Variants in CCDC170 observed in about 807,000 individuals in gnomAD.
The protein encoded by CCDC170 is coiled-coil domain-containing protein 170.
A neutral mutation model predicts 72.6 loss-of-function variants in CCDC170; 69 were observed. That is an observed-to-expected ratio of 0.95 (90% CI 0.78 to 1.16). The LOEUF (loss-of-function observed/expected upper bound fraction) is 1.16. Ranked by LOEUF, CCDC170 falls within the 50% of genes most tolerant of loss-of-function variation. CCDC170 has a pLI of 0.00. For synonymous variants in CCDC170, 300 were observed against 303.9 expected, an observed-to-expected ratio of 0.99 and a Z score of 0.13; for missense variants, 852 against 832.5, an observed-to-expected ratio of 1.02 and a Z score of -0.29.
intron 3 of CCDC170, among the ~76,000 whole-genome samples, chr6:151,540,604 C>G (rs186267414): frequency 4.1e-4 from 63 of 151,850 alleles, no homozygotes; most frequent in African/African-American, 1.3e-3. Flanking sequence ...CCAGGGTGGT[C>G]TCAGACTCCT....
chr6:151,596,636 C>T (rs749060006), intron 9 of CCDC170, 59 bp downstream of exon 9: 3 of 1,586,506 alleles, frequency 1.9e-6, no homozygotes, highest in Non-Finnish European at 2.6e-6. Flanking sequence ...ATGTTTTATG[C>T]AAAAGAATGA....
chr6:151,528,877 A>G (rs966466618), intron 1 of CCDC170, among the ~76,000 whole-genome samples: 1 of 151,834 alleles, frequency 6.6e-6, no homozygotes, highest in Non-Finnish European at 1.5e-5. Context: ...ATAATAAAGA[A>G]AAAAAAAGTC....
chr6:151,520,051 G>T (rs1782295061), intron 1 of CCDC170, among the ~76,000 whole-genome samples: 2 of 152,164 alleles, frequency 1.3e-5, no homozygotes, highest in Admixed American at 6.5e-5. Context: ...GCAGGTCTCA[G>T]CCTCATTTTA....
intron 6 of CCDC170, among the ~76,000 whole-genome samples, chr6:151,578,569 C>T (rs552095116): frequency 3.0e-4 from 46 of 152,234 alleles, no homozygotes; most frequent in African/African-American, 1.1e-3. Context: ...CTCTAAAGAC[C>T]CGATCTCCAA....
chr6:151,551,198 ATTGT>A (rs1314918910), intron 5 of CCDC170, among the ~76,000 whole-genome samples: 3 of 152,206 alleles, frequency 2.0e-5, no homozygotes, highest in Non-Finnish European at 2.9e-5. Flanking sequence ...TGTATTTGTT[ATTGT>A]TTATTTATTG....
At chr6:151,611,464 C>T (rs2115140955) in intron 9 of CCDC170, among the ~76,000 whole-genome samples, 1 of 152,192 alleles carries the variant, frequency 6.6e-6, no homozygotes, top group Middle Eastern at 3.4e-3. Context: ...TGCCTTCTTG[C>T]TGTGTCTTCA....
In CCDC170 at chr6:151,544,643, T is replaced by G. The variant is rs777309737; in HGVS notation, c.515T>G (p.Leu172Arg). 1.2e-6 allele frequency: 2 copies of G among 1,613,804 alleles called. No homozygotes were observed. Among genetic ancestry groups the G allele is most frequent in the East Asian group, 2.2e-5 (1 of 44,864 alleles). ...AATTGCAGGAAACATGAGGAATTTC[T>G]GACTCAACTGCGTGACTGCTTGGAT... ...SKNCRKHEEF[L>R]TQLRDCLDPD... The change falls in exon 4 of 11, where the codon CTG (leucine) becomes CGG (arginine). Residue 172 changes from leucine to arginine, a missense_variant. Leu to Arg is a moderately radical substitution (Grantham distance 102, BLOSUM62 -2). Transcript: ENST00000239374.
intron 9 of CCDC170, among the ~76,000 whole-genome samples, chr6:151,600,303 C>T (rs547081162): frequency 6.6e-6 from 1 of 152,278 alleles, no homozygotes; most frequent in East Asian, 1.9e-4. Context: ...AGCAATATTT[C>T]TGAACATTAG....
chr6:151,530,988 C>T (rs1426147929), intron 1 of CCDC170, among the ~76,000 whole-genome samples: 1 of 151,896 alleles, frequency 6.6e-6, no homozygotes, highest in Non-Finnish European at 1.5e-5. Context: ...AATATTTTTC[C>T]AGTTTGCTCT....
chr6:151,577,346 G>A (rs1776317352), intron 6 of CCDC170, among the ~76,000 whole-genome samples: 2 of 152,040 alleles, frequency 1.3e-5, no homozygotes, highest in Admixed American at 6.6e-5. Flanking sequence ...CTGTCTTAGA[G>A]GAATGTTCTA....
chr6:151,597,485 A>G (rs58392724), intron 9 of CCDC170, among the ~76,000 whole-genome samples: 12,366 of 152,272 alleles, frequency 0.081, 556 homozygotes, highest in African/African-American at 0.11. Context: ...AGTGTTGGTG[A>G]CTGCTATTAG....
chr6:151,595,277 T>A (rs1413019167), intron 8 of CCDC170, among the ~76,000 whole-genome samples: 1 of 152,166 alleles, frequency 6.6e-6, no homozygotes, highest in African/African-American at 2.4e-5. Context: ...TTCTTCCCCC[T>A]CTAGAGTCCA....
intron 1 of CCDC170, among the ~76,000 whole-genome samples, chr6:151,502,834 T>C (rs2115019195): frequency 6.6e-6 from 1 of 152,354 alleles, no homozygotes; most frequent in African/African-American, 2.4e-5. Flanking sequence ...AGTGCCCATT[T>C]TCAAGCAGGT....
chr6:151,582,840 T>C (rs1345651449), intron 6 of CCDC170, among the ~76,000 whole-genome samples: 1 of 152,164 alleles, frequency 6.6e-6, no homozygotes, highest in Admixed American at 6.5e-5. Flanking sequence ...TCTGCAAGAA[T>C]GACACCAAGT....
chr6:151,589,123 T>G (rs1000690770), intron 7 of CCDC170, among the ~76,000 whole-genome samples: 1 of 151,914 alleles, frequency 6.6e-6, no homozygotes, highest in Non-Finnish European at 1.5e-5. Context: ...GGTGTGGTGG[T>G]GTGTGCCTGT....
intron 5 of CCDC170, among the ~76,000 whole-genome samples, chr6:151,550,601 T>C (rs1327748009): frequency 6.6e-6 from 1 of 152,182 alleles, no homozygotes; most frequent in East Asian, 1.9e-4. Context: ...AATGCCCTCA[T>C]TGTCAGCTTG....
intron 1 of CCDC170, among the ~76,000 whole-genome samples, chr6:151,497,521 CT>C (rs776930218): frequency 6.6e-6 from 1 of 152,156 alleles, no homozygotes; most frequent in Non-Finnish European, 1.5e-5. Flanking sequence ...CCAGCACAGC[CT>C]TACTGGGATG....
intron 8 of CCDC170, among the ~76,000 whole-genome samples, chr6:151,595,039 T>C (rs887272191): frequency 3.3e-5 from 5 of 152,220 alleles, no homozygotes; most frequent in East Asian, 3.9e-4. Flanking sequence ...GATCTGGGTA[T>C]GGACACAGCT....
At chr6:151,507,614 A>C (rs1336717409) in intron 1 of CCDC170, among the ~76,000 whole-genome samples, 2 of 152,190 alleles carry the variant, frequency 1.3e-5, no homozygotes, top group Admixed American at 6.5e-5. Flanking sequence ...GTGTAGAAAC[A>C]TTATGTAGAA....
Sources: allele counts gnomAD v4.1 joint callset (sites outside exome capture counted in the v4.1 genomes callset), GRCh38; gene constraint gnomAD v4.1.1; transcripts MANE v1.5; gene names NCBI Gene and HGNC (gene_info 2026-07-23, HGNC 2026-07-21).